The following ZBTB46 variants were observed in gnomAD, a reference collection of about 807,000 sequenced individuals.
ZBTB46 encodes zinc finger and BTB domain-containing protein 46.
A neutral mutation model predicts 44.1 loss-of-function variants in ZBTB46; 8 were observed. That is an observed-to-expected ratio of 0.18 (90% CI 0.11 to 0.33). The LOEUF is 0.33. Among genes scored for constraint, ZBTB46 ranks in the 10% least tolerant of loss-of-function variants. The pLI is 1.00. For missense variants in ZBTB46, 651 were observed against 847.7 expected, an observed-to-expected ratio of 0.77 and a Z score of 2.88; for synonymous variants, 409 against 382.3, an observed-to-expected ratio of 1.07 and a Z score of -0.81.
chr20:63,829,185 C>G (rs892946255), intron 1 of ZBTB46, among the ~76,000 whole-genome samples: 24 of 152,334 alleles, frequency 1.6e-4, no homozygotes, highest in African/African-American at 5.1e-4. Context: ...CTGGGTCAGC[C>G]TGGCCCTGGT....
intron 1 of ZBTB46, among the ~76,000 whole-genome samples, chr20:63,827,699 G>C (rs67675495): frequency 0.18 from 27,185 of 150,522 alleles, 2,936 homozygotes; most frequent in East Asian, 0.46. Flanking sequence ...ACTTTCTATT[G>C]TAAAATAGCT....
chr20:63,747,891 G>A (rs141071380), intron 4 of ZBTB46, among the ~76,000 whole-genome samples: 90 of 152,338 alleles, frequency 5.9e-4, no homozygotes, highest in African/African-American at 2.1e-3. Context: ...CTGCCTAAAA[G>A]CCTGGCTTCC....
chr20:63,767,313 A>C lies in ZBTB46; in HGVS notation c.1222+8365T>G, dbSNP rs988699510. Among the ~76,000 whole-genome samples the C allele has an allele frequency of 2.6e-5, 4 of 151,426 alleles. No individual in the cohort carries two copies. The highest frequency in any genetic ancestry group is 6.6e-5 in the Admixed American group (1 of 15,220). ...CCCCACACATTGGCAATCCCGTAGG[A>C]TCTCGGTCATCTGAACCCCGTCGGG... On this transcript the variant is annotated intron_variant, in intron 3 of 4. Coordinates refer to ENST00000245663, the MANE Select transcript of ZBTB46 (RefSeq NM_001369741.1). The surrounding 1 kb of genome is among the most constrained non-coding windows in gnomAD (Gnocchi z 5.0).
At chr20:63,777,629 C>A (rs2092436370) in intron 2 of ZBTB46, among the ~76,000 whole-genome samples, 1 of 152,204 alleles carries the variant, frequency 6.6e-6, no homozygotes, top group South Asian at 2.1e-4. Flanking sequence ...CCAGCAGTTC[C>A]ACATGTACGC....
chr20:63,825,523 A>G (rs1214785776), intron 1 of ZBTB46, among the ~76,000 whole-genome samples: 1 of 151,634 alleles, frequency 6.6e-6, no homozygotes, highest in Non-Finnish European at 1.5e-5. Context: ...CTTTGTGTCA[A>G]CAACTCTGTT....
At chr20:63,751,494 C>T (rs995767100) in intron 4 of ZBTB46, among the ~76,000 whole-genome samples, 4 of 152,150 alleles carry the variant, frequency 2.6e-5, no homozygotes, top group African/African-American at 7.2e-5. Flanking sequence ...GGGCCCTGCA[C>T]CCCTCTAGCT....
At chr20:63,829,522 T>A (rs1437066265) in intron 1 of ZBTB46, among the ~76,000 whole-genome samples, 3 of 152,222 alleles carry the variant, frequency 2.0e-5, no homozygotes, top group Non-Finnish European at 4.4e-5. Flanking sequence ...ACGGAGAAGA[T>A]GTCTAGCTTT....
intron 3 of ZBTB46, among the ~76,000 whole-genome samples, chr20:63,766,188 C>T (rs1238407921): frequency 6.7e-6 from 1 of 148,424 alleles, no homozygotes; most frequent in African/African-American, 2.5e-5. Context: ...CATCTCAGGC[C>T]CAACAGCTGA....
chr20:63,808,991 A>G (rs996994116), intron 1 of ZBTB46, among the ~76,000 whole-genome samples: 1 of 147,166 alleles, frequency 6.8e-6, no homozygotes, highest in African/African-American at 2.5e-5. Flanking sequence ...AAAAAAAAAA[A>G]AAAAAAAAGA....
At chr20:63,754,685 T>C (rs192076806) in intron 3 of ZBTB46, among the ~76,000 whole-genome samples, 43 of 152,042 alleles carry the variant, frequency 2.8e-4, no homozygotes, top group African/African-American at 9.9e-4. Flanking sequence ...CTGCAAGCTC[T>C]GCCTCCCGGG....
intron 4 of ZBTB46, among the ~76,000 whole-genome samples, chr20:63,749,438 A>G (rs547136378): frequency 2.0e-5 from 3 of 152,118 alleles, no homozygotes; most frequent in South Asian, 4.2e-4. Context: ...CCGGGTTCAT[A>G]CCATTCTCCT....
intron 1 of ZBTB46, among the ~76,000 whole-genome samples, chr20:63,823,848 T>C (rs2092805383): frequency 1.0e-5 from 1 of 98,454 alleles, no homozygotes; most frequent in African/African-American, 4.6e-5. Context: ...ACCTTTGTCC[T>C]CTAGGAACCT....
chr20:63,799,960 C>T (rs2092631073), intron 1 of ZBTB46, among the ~76,000 whole-genome samples: 1 of 152,206 alleles, frequency 6.6e-6, no homozygotes, highest in Admixed American at 6.5e-5. Context: ...GAAGCAAAAC[C>T]ACCTGTCCAG....
chr20:63,763,008 G>C (rs1442735956), intron 3 of ZBTB46, among the ~76,000 whole-genome samples: 1 of 152,106 alleles, frequency 6.6e-6, no homozygotes, highest in Non-Finnish European at 1.5e-5. Flanking sequence ...TCACTGGTGA[G>C]CACCACCAAA....
At position 63,801,352 on chromosome 20, in the gene ZBTB46, C is replaced by T. The variant is rs142921369; in HGVS notation, c.-33-10562G>A. 7.0e-3 allele frequency among the ~76,000 whole-genome samples: 1,062 copies of T among 152,276 alleles called. 30 individuals are homozygous for T. Among genetic ancestry groups the T allele is most frequent in the Admixed American group, 0.054 (820 of 15,296 alleles). On this transcript the variant is annotated intron_variant, in intron 1 of 4. Coordinates refer to ENST00000245663, the MANE Select transcript of ZBTB46 (RefSeq NM_001369741.1). ...AGACTTGGAGAACTTTTGTGTCTAG[C>T]TCAAGGATTGTCAACGCACCAATCA... is the stretch of plus-strand genomic sequence containing the variant.
At chr20:63,807,362 G>A (rs2092688175) in intron 1 of ZBTB46, among the ~76,000 whole-genome samples, 1 of 151,670 alleles carries the variant, frequency 6.6e-6, no homozygotes, top group Non-Finnish European at 1.5e-5. Flanking sequence ...TTCTTCTTGA[G>A]TCAGTTTGGT....
chr20:63,769,287 G>A, intron 3 of ZBTB46: 1 of 985,432 alleles, frequency 1.0e-6, no homozygotes, highest in African/African-American at 1.7e-5. Flanking sequence ...CCTGGGCTGG[G>A]TCTGGCGGTT....
chr20:63,765,106 TGTG>T (rs1414277228), intron 3 of ZBTB46, among the ~76,000 whole-genome samples: 2 of 148,686 alleles, frequency 1.3e-5, no homozygotes, highest in South Asian at 2.1e-4. Context: ...TATGTGTGGT[TGTG>T]TGTGTGTGTG....
chr20:63,822,793 T>TC (rs2092799556), intron 1 of ZBTB46, among the ~76,000 whole-genome samples: 4 of 151,898 alleles, frequency 2.6e-5, no homozygotes, highest in Non-Finnish European at 4.4e-5. Flanking sequence ...GCAGGATGAA[T>TC]GCTTGAGCCC....
Sources: allele counts gnomAD v4.1 joint callset (sites outside exome capture counted in the v4.1 genomes callset), GRCh38; gene constraint gnomAD v4.1.1; non-coding constraint Gnocchi (gnomAD v3.1); transcripts MANE v1.5; gene names NCBI Gene and HGNC (gene_info 2026-07-23, HGNC 2026-07-21).